The following GABRA2 variants were observed in gnomAD, a reference collection of about 807,000 sequenced individuals.
GABRA2 encodes the protein gamma-aminobutyric acid type A receptor subunit alpha2.
Under a neutral mutation model 48.7 loss-of-function variants are expected in GABRA2, and 16 were observed. The ratio of observed to expected loss-of-function variants is 0.33; its 90% CI spans 0.22 to 0.50. The LOEUF (loss-of-function observed/expected upper bound fraction) is 0.50, where lower values mean the gene tolerates loss of function less well. Among genes scored for constraint, GABRA2 ranks in the 20% least tolerant of loss-of-function variants. The probability of loss-of-function intolerance (pLI) is 0.98; values close to 1 mark genes in which losing one functional copy is unlikely to be tolerated. For missense variants in GABRA2, 275 were observed against 535.6 expected (o/e 0.51, Z 4.80); for synonymous variants, 185 against 184.5 (o/e 1.00, Z -0.02).
At chr4:46,314,344 A>T (rs203656) in intron 4 of GABRA2, among the ~76,000 whole-genome samples, 59,910 of 151,896 alleles carry the variant, frequency 0.39, 12,251 homozygotes, top group East Asian at 0.52. Context: ...AAATGAGGTT[A>T]TGTTTTATCT....
chr4:46,303,907 T>C (rs1726183410), intron 7 of GABRA2, among the ~76,000 whole-genome samples: 1 of 152,168 alleles, frequency 6.6e-6, no homozygotes, highest in Non-Finnish European at 1.5e-5. Context: ...TTTTCAGATT[T>C]TGGAAAATTT....
chr4:46,325,991 A>G (rs114168493), intron 4 of GABRA2, among the ~76,000 whole-genome samples: 58 of 152,054 alleles, frequency 3.8e-4, no homozygotes, highest in Middle Eastern at 3.4e-3. Context: ...GGGTAGTTTG[A>G]ATCAGGGTAG....
chr4:46,325,766 A>G (rs528496319), intron 4 of GABRA2, among the ~76,000 whole-genome samples: 63 of 152,086 alleles, frequency 4.1e-4, no homozygotes, highest in Admixed American at 7.2e-4. Context: ...TGTGAAAAGA[A>G]GGGTCCAGTT....
At chr4:46,284,415 T>C (rs1285791657) in intron 8 of GABRA2, among the ~76,000 whole-genome samples, 1 of 152,178 alleles carries the variant, frequency 6.6e-6, no homozygotes, top group African/African-American at 2.4e-5. Flanking sequence ...AATCTCACCA[T>C]GAAGGGAGCT....
At chr4:46,280,645 G>A (rs931651815) in intron 8 of GABRA2, among the ~76,000 whole-genome samples, 5 of 152,180 alleles carry the variant, frequency 3.3e-5, no homozygotes, top group Non-Finnish European at 4.4e-5. Context: ...AGCAAGAGTC[G>A]ATTAAGAGTC....
At chr4:46,307,584 T>C (rs1449682384) in intron 6 of GABRA2, among the ~76,000 whole-genome samples, 1 of 152,152 alleles carries the variant, frequency 6.6e-6, no homozygotes, top group Admixed American at 6.6e-5. Flanking sequence ...CTCTGTCTGA[T>C]TCATGCCTGT....
chr4:46,304,517 A>C (rs1726298564), intron 7 of GABRA2, among the ~76,000 whole-genome samples: 1 of 152,014 alleles, frequency 6.6e-6, no homozygotes, highest in Non-Finnish European at 1.5e-5. Context: ...TTTTAAAGGA[A>C]GGCGGCCTTC....
intron 3 of GABRA2, among the ~76,000 whole-genome samples, chr4:46,363,054 C>A (rs1713464250): frequency 6.6e-6 from 1 of 152,002 alleles, no homozygotes; most frequent in South Asian, 2.1e-4. Context: ...TTGAATATTC[C>A]TTGATTTTTC....
At position 46,302,074 on chromosome 4, in the gene GABRA2, CT is replaced by C. The variant is rs58568555; in HGVS notation, c.856+1385del. Among the ~76,000 whole-genome samples the C allele has an allele frequency of 8.1e-3, 1,173 of 145,028 alleles. 13 individuals are homozygous for C. The highest frequency in any genetic ancestry group is 0.024 in the African/African-American group (945 of 40,054). On this transcript the variant is annotated intron_variant, in intron 8 of 9. Coordinates refer to ENST00000381620, the MANE Select transcript of GABRA2 (RefSeq NM_000807.4). ...ATATACCACTCCTTTTCATTTTATTCTTTTTTTTTTTTGAGACATAGTCTTT... is the reference window on the plus strand; with the variant it reads ...ATATACCACTCCTTTTCATTTTATTCTTTTTTTTTTTGAGACATAGTCTTT...
intron 7 of GABRA2, among the ~76,000 whole-genome samples, chr4:46,304,655 C>T (rs953355627): frequency 9.2e-5 from 14 of 151,948 alleles, no homozygotes; most frequent in East Asian, 3.9e-4. Context: ...GTTGGCCGGG[C>T]GCACTGGCTC....
chr4:46,319,474 G>A (rs1468886720), intron 4 of GABRA2, among the ~76,000 whole-genome samples: 1 of 151,628 alleles, frequency 6.6e-6, no homozygotes, highest in African/African-American at 2.4e-5. Flanking sequence ...TATCACTCTT[G>A]GAATACACAA....
intron 3 of GABRA2, among the ~76,000 whole-genome samples, chr4:46,343,813 T>A (rs1733693983): frequency 1.3e-5 from 2 of 152,014 alleles, no homozygotes; most frequent in Admixed American, 1.3e-4. Flanking sequence ...GATTTTGCCA[T>A]CTATGTATAT....
intron 8 of GABRA2, among the ~76,000 whole-genome samples, chr4:46,279,773 C>T (rs1489121873): frequency 6.6e-6 from 1 of 152,038 alleles, no homozygotes; most frequent in Non-Finnish European, 1.5e-5. Flanking sequence ...ATCATGTGTG[C>T]TAAGTGGTTC....
At chr4:46,338,354 T>A (rs1485571146) in intron 3 of GABRA2, among the ~76,000 whole-genome samples, 1 of 151,930 alleles carries the variant, frequency 6.6e-6, no homozygotes, top group Non-Finnish European at 1.5e-5. Flanking sequence ...TCACATGCAA[T>A]TGAGCCAGTA....
intron 9 of GABRA2, chr4:46,256,372 G>A: frequency 1.6e-6 from 1 of 626,790 alleles, no homozygotes; most frequent in South Asian, 1.9e-5. Context: ...TTATTGAAGG[G>A]GACTACAAGA....
At chr4:46,317,909 A>G (rs183287855) in intron 4 of GABRA2, among the ~76,000 whole-genome samples, 61 of 151,908 alleles carry the variant, frequency 4.0e-4, no homozygotes, top group African/African-American at 1.4e-3. Context: ...CAATGATAGT[A>G]TCAGATCATT....
chr4:46,265,499 T>C (rs936916090), intron 8 of GABRA2, among the ~76,000 whole-genome samples: 1 of 102,888 alleles, frequency 9.7e-6, no homozygotes, highest in African/African-American at 5.5e-5. Context: ...TATATATATA[T>C]ATATGTTTTC....
intron 4 of GABRA2, among the ~76,000 whole-genome samples, chr4:46,322,430 A>G (rs1022399898): frequency 1.3e-5 from 2 of 151,826 alleles, no homozygotes; most frequent in African/African-American, 4.8e-5. Context: ...TAGCCACCCT[A>G]CAATAATCCC....
intron 3 of GABRA2, among the ~76,000 whole-genome samples, chr4:46,358,405 G>A (rs1038667310): frequency 6.6e-6 from 1 of 152,000 alleles, no homozygotes; most frequent in African/African-American, 2.4e-5. Flanking sequence ...CTTTCATTTT[G>A]TTTTGTTTTG....
Sources: gnomAD v4.1 joint callset for allele counts (sites outside exome capture counted in the v4.1 genomes callset) on GRCh38, gnomAD v4.1.1 for gene constraint, MANE v1.5 for transcripts, NCBI Gene and HGNC (gene_info 2026-07-23, HGNC 2026-07-21) for gene names.